Variants in SLC14A2 observed in about 807,000 individuals in gnomAD.
The protein encoded by SLC14A2 is solute carrier family 14 member 2, also known as urea transporter 2.
SLC14A2 carries 91 observed loss-of-function variants against 104.6 expected under a neutral mutation model. The observed-to-expected ratio is 0.87, with a 90% CI of 0.73 to 1.04. SLC14A2 has a LOEUF of 1.04. Ranked by LOEUF, SLC14A2 falls within the 50% of genes least tolerant of loss-of-function variation. SLC14A2 has a pLI of 0.00. For synonymous variants in SLC14A2, 476 were observed against 466.4 expected (o/e 1.02, Z -0.27); for missense variants, 1,189 against 1,156.0 (o/e 1.03, Z -0.41).
intron 1 of SLC14A2, among the ~76,000 whole-genome samples, chr18:45,327,473 A>G (rs895522467): frequency 6.6e-6 from 1 of 152,098 alleles, no homozygotes; most frequent in African/African-American, 2.4e-5. Context: ...GACCTTTTTC[A>G]TCATCCCAAA....
chr18:45,320,604 G>A (rs1394843215), intron 1 of SLC14A2, among the ~76,000 whole-genome samples: 1 of 152,132 alleles, frequency 6.6e-6, no homozygotes, highest in Admixed American at 6.5e-5. Flanking sequence ...CAGGTTTTTT[G>A]AGCCTGGCAG....
chr18:45,620,518 G>C (rs1056827522), intron 1 of SLC14A2, among the ~76,000 whole-genome samples: 9 of 152,312 alleles, frequency 5.9e-5, no homozygotes, highest in South Asian at 2.1e-4. Context: ...ACCCTAGAAA[G>C]AACTTCCCTT....
At position 45,219,779 on chromosome 18, in the gene SLC14A2, A is replaced by G. The variant is rs577773613; in HGVS notation, c.-125+6588A>G. On this transcript the variant is annotated intron_variant, in intron 1 of 20. Transcript: ENST00000586448. ...ACAAGCACCAGTGTTATTGAGGGAC[A>G]GAGAGGCAGGAAAATACATGCAGAA... Among the ~76,000 whole-genome samples, 8 of 152,336 alleles carry G rather than the reference A, an allele frequency of 5.3e-5. No homozygotes were observed. The East Asian group carries it at 7.7e-4, about 15-fold the overall frequency.
chr18:45,630,684 G>A (rs888836451), intron 4 of SLC14A2, among the ~76,000 whole-genome samples: 1 of 152,160 alleles, frequency 6.6e-6, no homozygotes, highest in African/African-American at 2.4e-5. Flanking sequence ...GGAAAATGTA[G>A]AGAAAATACA....
chr18:45,519,362 T>G (rs892083604), intron 2 of SLC14A2, among the ~76,000 whole-genome samples: 2 of 152,198 alleles, frequency 1.3e-5, no homozygotes, highest in African/African-American at 2.4e-5. Context: ...TGATTGCTTC[T>G]TGTAGGAGAT....
chr18:45,448,037 C>T (rs2086797959), intron 1 of SLC14A2, among the ~76,000 whole-genome samples: 1 of 152,180 alleles, frequency 6.6e-6, no homozygotes, highest in South Asian at 2.1e-4. Context: ...GAGTATGGCT[C>T]AAGTGTGTTA....
chr18:45,387,210 A>G (rs1055426947), intron 1 of SLC14A2, among the ~76,000 whole-genome samples: 3 of 152,192 alleles, frequency 2.0e-5, no homozygotes, highest in Admixed American at 1.3e-4. Context: ...TTTCTGTCTT[A>G]AAAGGGTATG....
intron 1 of SLC14A2, among the ~76,000 whole-genome samples, chr18:45,431,025 T>G (rs984932058): frequency 2.0e-5 from 3 of 152,184 alleles, no homozygotes; most frequent in Non-Finnish European, 4.4e-5. Flanking sequence ...GATCCAGGCA[T>G]GAGATAAGAA....
intron 1 of SLC14A2, among the ~76,000 whole-genome samples, chr18:45,234,513 C>T (rs1162971778): frequency 6.8e-6 from 1 of 146,626 alleles, no homozygotes; most frequent in Non-Finnish European, 1.5e-5. Context: ...GGCTAAGAGG[C>T]TTCCAAAACA....
At chr18:45,473,188 G>C (rs567404066) in intron 1 of SLC14A2, among the ~76,000 whole-genome samples, 95 of 152,294 alleles carry the variant, frequency 6.2e-4, no homozygotes, top group African/African-American at 2.2e-3. Flanking sequence ...GATGGTTGTA[G>C]ATGTGTGGCA....
At chr18:45,381,840 G>A (rs2085839085) in intron 1 of SLC14A2, among the ~76,000 whole-genome samples, 1 of 152,120 alleles carries the variant, frequency 6.6e-6, no homozygotes, top group South Asian at 2.1e-4. Context: ...ATACAGGCAG[G>A]AGCGAGAGTC....
chr18:45,248,093 T>C (rs1272381156), intron 1 of SLC14A2, among the ~76,000 whole-genome samples: 1 of 152,102 alleles, frequency 6.6e-6, no homozygotes, highest in Non-Finnish European at 1.5e-5. Context: ...ATTGAGAAGA[T>C]GGTAGCAGGA....
chr18:45,585,908 C>T (rs978893011), intron 2 of SLC14A2, among the ~76,000 whole-genome samples: 4 of 152,256 alleles, frequency 2.6e-5, no homozygotes, highest in Admixed American at 6.5e-5. Context: ...AGAGCAGGTT[C>T]GAGGGTTCCT....
intron 1 of SLC14A2, among the ~76,000 whole-genome samples, chr18:45,467,015 G>C (rs571253258): frequency 5.9e-5 from 9 of 152,250 alleles, no homozygotes; most frequent in Non-Finnish European, 8.8e-5. Context: ...CCATGTGGGT[G>C]TGACTTTTGG....
At chr18:45,351,348 A>G (rs1294090586) in intron 1 of SLC14A2, among the ~76,000 whole-genome samples, 1 of 151,756 alleles carries the variant, frequency 6.6e-6, no homozygotes, top group African/African-American at 2.4e-5. Flanking sequence ...CCACTTATGC[A>G]CCGTTTTTTG....
At chr18:45,372,627 T>C (rs1045169250) in intron 1 of SLC14A2, among the ~76,000 whole-genome samples, 1 of 152,264 alleles carries the variant, frequency 6.6e-6, no homozygotes, top group East Asian at 1.9e-4. Flanking sequence ...AATGTCAACA[T>C]GCAAGTTCCG....
chr18:45,252,659 G>A (rs935794725), intron 1 of SLC14A2, among the ~76,000 whole-genome samples: 1 of 152,070 alleles, frequency 6.6e-6, no homozygotes, highest in Admixed American at 6.6e-5. Context: ...AACCCTCACG[G>A]TTCTAGATCA....
At chr18:45,677,203 C>T (rs2046241486) in intron 18 of SLC14A2, among the ~76,000 whole-genome samples, 1 of 152,214 alleles carries the variant, frequency 6.6e-6, no homozygotes. Flanking sequence ...GGAGGGTTTT[C>T]CTGCTAGTAA....
At position 45,477,735 on chromosome 18, in the gene SLC14A2, C is replaced by T. The variant is rs568253148; in HGVS notation, c.-124-5498C>T. 2.0e-4 allele frequency among the ~76,000 whole-genome samples: 30 copies of T among 152,068 alleles called. No individual in the cohort carries two copies. The South Asian group carries it at 5.4e-3, about 27-fold the overall frequency. On this transcript the variant is annotated intron_variant, in intron 1 of 20. Coordinates refer to the SLC14A2 transcript ENST00000586448. ...TGGCTACAGCAGCTTTGTAGAGCTG[C>T]GGTGGGCTCCACTGAGTCCAAACTT...
Sources: allele counts gnomAD v4.1 joint callset (sites outside exome capture counted in the v4.1 genomes callset), GRCh38; gene constraint gnomAD v4.1.1; transcripts MANE v1.5; gene names NCBI Gene and HGNC (gene_info 2026-07-23, HGNC 2026-07-21).